CEP290: variants seen among roughly 807,000 people sequenced by gnomAD.
CEP290 encodes the protein centrosomal protein of 290 kDa.
Under a neutral mutation model 344.9 loss-of-function variants are expected in CEP290, and 317 were observed. The ratio of observed to expected loss-of-function variants is 0.92; its 90% CI spans 0.84 to 1.01. CEP290 has a LOEUF of 1.01. CEP290 is among the 50% of genes least tolerant of loss of function. The pLI, the probability that CEP290 is intolerant of heterozygous loss-of-function variation, is 0.00. For synonymous variants in CEP290, 932 were observed against 895.8 expected (o/e 1.04, Z -0.72); for missense variants, 2,754 against 2,761.4 (o/e 1.00, Z 0.06).
At chr12:88,106,527 C>T in intron 25 of CEP290, 148 bp downstream of exon 25, 3 of 587,730 alleles carry the variant, frequency 5.1e-6, no homozygotes, top group Non-Finnish European at 8.6e-6. Context: ...ATTCAAACAT[C>T]CCACAAAAAT....
chr12:88,049,075 C>T lies in CEP290; in HGVS notation c.*109G>A. Reference sequence around the variant, plus strand: ...GAATTCCAATCTAAGTATAAAGGTACAAGGTAGTGAGAAGGAAATACTACA... The same window carrying T: ...GAATTCCAATCTAAGTATAAAGGTATAAGGTAGTGAGAAGGAAATACTACA... On this transcript the variant is annotated 3_prime_UTR_variant, in exon 54 of 54. Coordinates refer to ENST00000552810, the MANE Select transcript of CEP290 (RefSeq NM_025114.4). 3.4e-6 allele frequency: 2 copies of T among 581,606 alleles called. No individual in the cohort carries two copies. The highest frequency in any genetic ancestry group is 3.0e-5 in the South Asian group (1 of 32,890). 36.0% of individuals were successfully genotyped at this position (581,606 alleles called of 1,614,324 possible).
chr12:88,118,576 A>C lies in CEP290; in HGVS notation c.1624-6T>G. On this transcript the variant is annotated splice_region_variant and splice_polypyrimidine_tract_variant and intron_variant, in intron 16 of 53. Coordinates refer to ENST00000552810, the MANE Select transcript of CEP290 (RefSeq NM_025114.4). The stretch of plus-strand genomic sequence containing the variant: ...TCTTCCTCTAGACTTTCAATCTGCA[A>C]AGTATAAATTATTAGTATTTCTCTA... The C allele has an allele frequency of 1.9e-6, 3 of 1,606,042 alleles. No individual in the cohort carries two copies. Among genetic ancestry groups the C allele is most frequent in the Non-Finnish European group, 2.6e-6 (3 of 1,175,012 alleles).
intron 3 of CEP290, among the ~76,000 whole-genome samples, chr12:88,139,776 G>A (rs901763564): frequency 1.3e-5 from 2 of 152,114 alleles, no homozygotes; most frequent in Non-Finnish European, 2.9e-5. Flanking sequence ...CACCCAGGCT[G>A]GAGTGCAGTG....
chr12:88,140,970 G>A lies in CEP290; in HGVS notation c.166C>T (p.Gln56Ter), dbSNP rs1592706963. The A allele has an allele frequency of 6.3e-7, 1 of 1,589,386 alleles. No individual in the cohort carries two copies. Among genetic ancestry groups the A allele is most frequent in the South Asian group, 1.2e-5 (1 of 84,642 alleles). ...TACATACAAACCTTCATTAGTGACT[G>A]AGTAATTCTGAAAAGGTGTATCACA... ...ENVIHLFRIT[Q>*]SLMKMKAQEV... is the part of the protein sequence containing the mutation. The change falls in exon 3 of 54, where the codon CAG (glutamine) becomes TAG (stop). Residue 56 changes from glutamine to a stop codon, truncating the protein, a stop_gained. Coordinates refer to ENST00000552810, the MANE Select transcript of CEP290 (RefSeq NM_025114.4). LOFTEE classifies it high-confidence loss of function.
intron 47 of CEP290, among the ~76,000 whole-genome samples, chr12:88,060,518 C>A (rs2034392710): frequency 6.6e-6 from 1 of 151,948 alleles, no homozygotes; most frequent in Non-Finnish European, 1.5e-5. Flanking sequence ...CAAGATTGCA[C>A]CACTGCATTC....
Position 88,128,966 on chromosome 12 carries a change from C to T in CEP290, c.922G>A (p.Ala308Thr). The T allele has an allele frequency of 1.3e-6, 2 of 1,527,426 alleles. No individual in the cohort carries two copies. Among genetic ancestry groups the T allele is most frequent in the Non-Finnish European group, 1.7e-6 (2 of 1,147,924 alleles). 94.6% of individuals were successfully genotyped at this position (1,527,426 alleles called of 1,614,324 possible). A position where few individuals can be genotyped will look rare whatever the true frequency, so the allele number is the denominator to read the frequency against. The change falls in exon 11 of 54, where the codon GCA becomes ACA. Residue 308 changes from alanine (A) to threonine (T), a missense_variant. Ala to Thr is a moderately conservative substitution (Grantham distance 58). Transcript: ENST00000552810. ...EDDPIMVAVN[A>T]KVEEWKLILS... is the part of the protein sequence containing the mutation. ...AATACCTTCCATTCTTCTACTTTTG[C>T]ATTGACAGCTACCATAATTGGATCA...
rs939606091 is a variant in CEP290 at position 88,057,370 on chromosome 12, C to T, written c.6818+1478G>A. ...GCAATAGGAGGTACTAAGTAAATAT[C>T]TGTTGAATAAATAGATTTCAGAGTA... On this transcript the variant is annotated intron_variant, in intron 49 of 53. Coordinates refer to ENST00000552810, the MANE Select transcript of CEP290 (RefSeq NM_025114.4). Among the ~76,000 whole-genome samples, 5 of 152,118 alleles carry T rather than the reference C, an allele frequency of 3.3e-5. No individual in the cohort carries two copies. In the East Asian group the frequency reaches 7.7e-4, roughly 23 times the overall value.
chr12:88,072,174 G>A (rs2035429000), intron 41 of CEP290, among the ~76,000 whole-genome samples: 1 of 151,988 alleles, frequency 6.6e-6, no homozygotes, highest in African/African-American at 2.4e-5. Context: ...AGATATCTTA[G>A]GGATGGGTCC....
Position 88,116,803 on chromosome 12 carries a change from T to C in CEP290, c.1824+230A>G, listed in dbSNP as rs1194079303. Among the ~76,000 whole-genome samples, 3 of 151,490 alleles carry C rather than the reference T, an allele frequency of 2.0e-5. No individual in the cohort carries two copies. The East Asian group carries it at 5.8e-4, about 29-fold the overall frequency. On this transcript the variant is annotated intron_variant, in intron 18 of 53. Transcript: ENST00000552810. ...TCCCGGCTAAAACGGTGAAACCCCG[T>C]CTCTACTAAAAATACAAAAAATTAG...
In CEP290 at chr12:88,087,945, C is replaced by G; in HGVS notation, c.4030-1G>C. The G allele has an allele frequency of 2.7e-6, 3 of 1,118,658 alleles. No homozygotes were observed. The highest frequency in any genetic ancestry group is 3.5e-6 in the Non-Finnish European group (3 of 867,682). The allele number at this position is 1,118,658 out of a possible 1,614,324, so 69.3% of individuals were successfully genotyped here. On this transcript the variant is annotated splice_acceptor_variant, in intron 31 of 53. Transcript: ENST00000552810. LOFTEE classifies it high-confidence loss of function. ...CTATTTTCATATGCCAGTTGATTACCTAAGATTTACAATTTATATACACAA... is the reference window on the plus strand; with the variant it reads ...CTATTTTCATATGCCAGTTGATTACGTAAGATTTACAATTTATATACACAA...
At position 88,086,197 on chromosome 12, in the gene CEP290, TA is replaced by T. The variant is rs1324362749; in HGVS notation, c.4303-25del. ...AACTATTAAGAAATAGTATGTTTTTTAAAAAAGCAGTTGCAGCATTGAGAGT... is the reference window on the plus strand; with the variant it reads ...AACTATTAAGAAATAGTATGTTTTTTAAAAAGCAGTTGCAGCATTGAGAGT... On this transcript the variant is annotated intron_variant, in intron 33 of 53. Coordinates refer to ENST00000552810, the MANE Select transcript of CEP290 (RefSeq NM_025114.4). 4 of 1,599,184 alleles carry T rather than the reference TA, an allele frequency of 2.5e-6. No homozygotes were observed. The African/African-American group carries it at 5.4e-5, about 22-fold the overall frequency.
chr12:88,122,531 C>T (rs1443441020), intron 13 of CEP290, among the ~76,000 whole-genome samples: 2 of 152,098 alleles, frequency 1.3e-5, no homozygotes, highest in African/African-American at 4.8e-5. Flanking sequence ...ATACCATTAG[C>T]CATTACGTTT....
At chr12:88,107,239 A>G in intron 23 of CEP290, 141 bp from the exon 24 acceptor site, 1 of 497,340 alleles carries the variant, frequency 2.0e-6, no homozygotes, top group Middle Eastern at 5.2e-4. Flanking sequence ...AAACACAAGA[A>G]GTTAAACTTT....
chr12:88,068,759 T>C (rs943084845), intron 43 of CEP290, 114 bp from the exon 44 acceptor site: 3 of 997,798 alleles, frequency 3.0e-6, no homozygotes, highest in Non-Finnish European at 4.3e-6. Context: ...TAACACTATA[T>C]TTTAAATTCT....
chr12:88,095,050 T>G (rs2037328576), intron 27 of CEP290, among the ~76,000 whole-genome samples: 1 of 152,164 alleles, frequency 6.6e-6, no homozygotes, highest in African/African-American at 2.4e-5. Context: ...AATGGATCAC[T>G]AACAGGTGCT....
chr12:88,122,276 T>A (rs2039451433), intron 13 of CEP290, among the ~76,000 whole-genome samples: 1 of 152,138 alleles, frequency 6.6e-6, no homozygotes, highest in Admixed American at 6.6e-5. Context: ...TATATTTACC[T>A]GCCTATCCTT....
intron 6 of CEP290, among the ~76,000 whole-genome samples, chr12:88,133,404 G>A (rs1049410662): frequency 1.5e-4 from 23 of 151,980 alleles, no homozygotes; most frequent in African/African-American, 5.1e-4. Flanking sequence ...CTCTTTTGAT[G>A]GCTGCATAGT....
At chr12:88,135,060 CTATGT>C (rs2040280283) in intron 6 of CEP290, among the ~76,000 whole-genome samples, 1 of 152,122 alleles carries the variant, frequency 6.6e-6, no homozygotes, top group African/African-American at 2.4e-5. Flanking sequence ...CATATTATCA[CTATGT>C]TATGCTTATT....
At chr12:88,080,422 T>C in intron 37 of CEP290, 27 bp from the exon 38 acceptor site, 1 of 1,536,636 alleles carries the variant, frequency 6.5e-7, no homozygotes, top group Non-Finnish European at 8.9e-7. Context: ...TATGTGTGTG[T>C]GTGTTTTTTA....
Sources: allele counts gnomAD v4.1 joint callset (sites outside exome capture counted in the v4.1 genomes callset), GRCh38; gene constraint gnomAD v4.1.1; transcripts MANE v1.5; gene names NCBI Gene and HGNC (gene_info 2026-07-23, HGNC 2026-07-21).